The following CDC6 variants were observed in gnomAD, a reference collection of about 807,000 sequenced individuals.
CDC6 encodes the protein cell division cycle 6, also known as DNA replication factor CDC6.
A neutral mutation model predicts 60.2 loss-of-function variants in CDC6; 46 were observed. That is an observed-to-expected ratio of 0.76 (90% CI 0.60 to 0.98). CDC6 has a LOEUF of 0.98. Among genes scored for constraint, CDC6 ranks in the 50% least tolerant of loss-of-function variants. The pLI, the probability that CDC6 is intolerant of heterozygous loss-of-function variation, is 0.00. For synonymous variants in CDC6, 210 were observed against 233.2 expected (o/e 0.90, Z 0.90); for missense variants, 596 against 652.9 (o/e 0.91, Z 0.95).
intron 8 of CDC6, among the ~76,000 whole-genome samples, 177 bp from the exon 9 acceptor site, chr17:40,296,523 ACAT>A (rs1484218157): frequency 6.6e-6 from 1 of 152,122 alleles, no homozygotes; most frequent in African/African-American, 2.4e-5. Context: ...AAATTATAAA[ACAT>A]CATAATTTTA....
intron 6 of CDC6, 31 bp downstream of exon 6, chr17:40,294,087 G>T: frequency 3.5e-6 from 5 of 1,448,996 alleles, no homozygotes; most frequent in South Asian, 1.1e-5. Flanking sequence ...GTTACATGGT[G>T]GTTCTAAAGT....
In CDC6 at chr17:40,293,820, A is replaced by G. The variant is rs2032812061; in HGVS notation, c.837-130A>G. On this transcript the variant is annotated intron_variant, in intron 5 of 11. Coordinates refer to ENST00000209728, the MANE Select transcript of CDC6 (RefSeq NM_001254.4). ...GATGTGGGGTATCCTTGTAGCAGTA[A>G]CTAGAGATAGGTTAGATTATGATCT... The G allele has an allele frequency of 4.3e-6, 4 of 924,632 alleles. No homozygotes were observed. In the Admixed American group the frequency reaches 7.0e-5, roughly 16 times the overall value. 57.3% of individuals were successfully genotyped at this position (924,632 alleles called of 1,614,324 possible). A position where few individuals can be genotyped will look rare whatever the true frequency, so the allele number is the denominator to read the frequency against.
In CDC6 at chr17:40,289,389, C is replaced by CT; in HGVS notation, c.-13-17dup. 6.2e-7 allele frequency: 1 copy of CT among 1,600,694 alleles called. No individual in the cohort carries two copies. The highest frequency in any genetic ancestry group is 8.6e-7 in the Non-Finnish European group (1 of 1,168,114). The stretch of plus-strand genomic sequence containing the variant: ...CTTTCACATATTGACTAGTTGTCCT[C>CT]TTATTTTTTTTAATCTAGCTGTGCT... On this transcript the variant is annotated intron_variant, in intron 1 of 11. Transcript: ENST00000209728.
chr17:40,295,935 C>T (rs1486595987), intron 8 of CDC6, among the ~76,000 whole-genome samples: 1 of 151,972 alleles, frequency 6.6e-6, no homozygotes, highest in Non-Finnish European at 1.5e-5. Flanking sequence ...TGGGGAAAGC[C>T]TCTGTGCCGA....
Position 40,300,910 on chromosome 17 carries a change from C to T in CDC6, c.1332C>T (p.Asn444=), listed in dbSNP as rs1276864199. 3.7e-6 allele frequency: 6 copies of T among 1,613,934 alleles called. No homozygotes were observed. In the Admixed American group the frequency reaches 6.7e-5, roughly 18 times the overall value. The change falls in exon 10 of 12, where the codon AAC becomes AAT. Residue 444 remains asparagine, a synonymous_variant. Transcript: ENST00000209728. ...AAGTCATCTCAGAAGTTGATGGTAACAGGATGACCTTGAGCCAAGAAGGAG... is the reference window on the plus strand; with the variant it reads ...AAGTCATCTCAGAAGTTGATGGTAATAGGATGACCTTGAGCCAAGAAGGAG... ...ISQVISEVDG[N]RMTLSQEGAQ...
In CDC6 at chr17:40,301,658, G is replaced by T. The variant is rs761121372; in HGVS notation, c.1593+50G>T. ...GTTTTTAATTGTCCTATTTTGTAGAGTGATGCTAAAGTAAAGGTTTATTGT... is the reference window on the plus strand; with the variant it reads ...GTTTTTAATTGTCCTATTTTGTAGATTGATGCTAAAGTAAAGGTTTATTGT... On this transcript the variant is annotated intron_variant, in intron 11 of 11. Coordinates refer to ENST00000209728, the MANE Select transcript of CDC6 (RefSeq NM_001254.4). The T allele has an allele frequency of 2.5e-6, 4 of 1,582,982 alleles. No homozygotes were observed. The South Asian group carries it at 4.4e-5, about 18-fold the overall frequency.
At position 40,293,544 on chromosome 17, in the gene CDC6, T is replaced by G. The variant is rs144477511; in HGVS notation, c.749T>G (p.Ile250Ser). Residue 250 changes from isoleucine (I) to serine (S), a missense_variant, in exon 5 of 12, where the codon ATT becomes AGT. Transcript: ENST00000209728. ...QAVFPAIAQE[I>S]CQEEVSRPAG... is the part of the protein sequence containing the mutation. The stretch of plus-strand genomic sequence containing the variant: ...GTATTCCCAGCTATTGCTCAGGAGA[T>G]TTGTCAGGAAGAGGTATCCAGGCCA... 11 of 1,613,972 alleles carry G rather than the reference T, an allele frequency of 6.8e-6. No homozygotes were observed. The highest frequency in any genetic ancestry group is 9.3e-6 in the Non-Finnish European group (11 of 1,179,844).
At position 40,291,451 on chromosome 17, in the gene CDC6, C is replaced by A; in HGVS notation, c.461-18C>A. ...TCACCTTCTGTTGTGTCTAATTGAC[C>A]TTTTATGTCTGGCACAGGCACTTGC... On this transcript the variant is annotated intron_variant, in intron 3 of 11. Coordinates refer to ENST00000209728, the MANE Select transcript of CDC6 (RefSeq NM_001254.4). The A allele has an allele frequency of 6.2e-7, 1 of 1,613,946 alleles. No individual in the cohort carries two copies.
Position 40,289,408 on chromosome 17 carries a change from C to G in CDC6, c.-13C>G, listed in dbSNP as rs984598299. 6.2e-7 allele frequency: 1 copy of G among 1,612,438 alleles called. No individual in the cohort carries two copies. Among genetic ancestry groups the G allele is most frequent in the Non-Finnish European group, 8.5e-7 (1 of 1,178,766 alleles). On this transcript the variant is annotated splice_region_variant and 5_prime_UTR_variant, in exon 2 of 12. Coordinates refer to ENST00000209728, the MANE Select transcript of CDC6 (RefSeq NM_001254.4). ...TGTCCTCTTATTTTTTTTAATCTAG[C>G]TGTGCTGTCGTCATGCCTCAAACCC...
chr17:40,293,630 A>T lies in CDC6; in HGVS notation c.835A>T (p.Ile279Phe), dbSNP rs780653304. The T allele has an allele frequency of 6.2e-7, 1 of 1,609,576 alleles. No individual in the cohort carries two copies. The highest frequency in any genetic ancestry group is 2.2e-5 in the East Asian group (1 of 44,856). ...TATGACTGCAGAGAAGGGCCCCATGATGTAAGTATTGTTCTGCTTCATGTT... is the reference window on the plus strand; with the variant it reads ...TATGACTGCAGAGAAGGGCCCCATGTTGTAAGTATTGTTCTGCTTCATGTT... Reference protein sequence around the residue: ...KHMTAEKGPMIVLVLDEMDQL... With the variant: ...KHMTAEKGPMFVLVLDEMDQL... The change falls in exon 5 of 12, where the codon ATT becomes TTT. Residue 279 changes from isoleucine to phenylalanine, a missense_variant and splice_region_variant. By Grantham distance (21) the Ile-to-Phe change is conservative (BLOSUM62 0). Transcript: ENST00000209728.
At chr17:40,294,649 T>C in intron 7 of CDC6, 146 bp downstream of exon 7, 1 of 734,130 alleles carries the variant, frequency 1.4e-6, no homozygotes, top group Non-Finnish European at 2.4e-6. Context: ...AACATTTTTA[T>C]GTGAATTTCA....
chr17:40,296,623 A>T, intron 8 of CDC6, 80 bp from the exon 9 acceptor site: 1 of 804,010 alleles, frequency 1.2e-6, no homozygotes, highest in Non-Finnish European at 2.2e-6. Flanking sequence ...AATGGTCATT[A>T]ATGTGCCGCT....
Position 40,303,985 on chromosome 17 carries a change from G to A in CDC6, c.*1984G>A, listed in dbSNP as rs1471733788. 1 of 152,262 alleles carries A rather than the reference G, an allele frequency of 6.6e-6. No individual in the cohort carries two copies. The highest frequency in any genetic ancestry group is 2.4e-5 in the African/African-American group (1 of 41,464). The allele number at this position is 152,262 out of a possible 1,614,324, so 9.4% of individuals were successfully genotyped here. On this transcript the variant is annotated 3_prime_UTR_variant, in exon 12 of 12. Transcript: ENST00000209728. ...TTGGCGCCTTCCTCTTAACTGTAGGGCTTGAGTCAGGAACATGGCTTGACT... is the reference window on the plus strand; with the variant it reads ...TTGGCGCCTTCCTCTTAACTGTAGGACTTGAGTCAGGAACATGGCTTGACT...
chr17:40,304,481 T>C lies in CDC6; in HGVS notation c.*2480T>C, dbSNP rs552619670. 1 of 152,342 alleles carries C rather than the reference T, an allele frequency of 6.6e-6. No homozygotes were observed. The highest frequency in any genetic ancestry group is 1.9e-4 in the East Asian group (1 of 5,180). 9.4% of individuals were successfully genotyped at this position (152,342 alleles called of 1,614,324 possible). On this transcript the variant is annotated 3_prime_UTR_variant, in exon 12 of 12. Transcript: ENST00000209728. The stretch of plus-strand genomic sequence containing the variant: ...TTGCCAGGATCATAGGCTGCTTCAC[T>C]TAGAGTAGTGGCAAAGATGCTGACC...
At chr17:40,294,224 G>A in intron 6 of CDC6, 140 bp from the exon 7 acceptor site, 1 of 869,154 alleles carries the variant, frequency 1.2e-6, no homozygotes, top group Non-Finnish European at 1.9e-6. Flanking sequence ...CTTATCTATT[G>A]GGATGGGGTA....
At chr17:40,290,480 C>T (rs2032738017) in intron 2 of CDC6, among the ~76,000 whole-genome samples, 1 of 152,100 alleles carries the variant, frequency 6.6e-6, no homozygotes, top group Non-Finnish European at 1.5e-5. Flanking sequence ...GTCAGTGGTG[C>T]CAAGGTTGAG....
chr17:40,293,871 G>A, intron 5 of CDC6, 79 bp from the exon 6 acceptor site: 2 of 1,247,874 alleles, frequency 1.6e-6, no homozygotes, highest in Non-Finnish European at 1.2e-6. Flanking sequence ...CTTTAGGAAA[G>A]TGACCTGAAG....
rs1383170178 is a variant in CDC6 at position 40,303,852 on chromosome 17, C to T, written c.*1851C>T. 6.6e-6 allele frequency: 1 copy of T among 152,258 alleles called. No homozygotes were observed. The highest frequency in any genetic ancestry group is 1.5e-5 in the Non-Finnish European group (1 of 68,054). The allele number at this position is 152,258 out of a possible 1,614,324, so 9.4% of individuals were successfully genotyped here. A position where few individuals can be genotyped will look rare whatever the true frequency, so the allele number is the denominator to read the frequency against. On this transcript the variant is annotated 3_prime_UTR_variant, in exon 12 of 12. Transcript: ENST00000209728. ...GATGCTGCAGCCTTAAGAGACGTGA[C>T]TGCTTTACAGTTTGTTTCCACACTG...
intron 9 of CDC6, among the ~76,000 whole-genome samples, chr17:40,300,579 C>T (rs769990189): frequency 2.4e-4 from 36 of 152,300 alleles, no homozygotes; most frequent in Middle Eastern, 6.8e-3. Context: ...GACAAAACAG[C>T]TCACTATTTG....
Sources: allele counts gnomAD v4.1 joint callset (sites outside exome capture counted in the v4.1 genomes callset), GRCh38; gene constraint gnomAD v4.1.1; transcripts MANE v1.5; gene names NCBI Gene and HGNC (gene_info 2026-07-23, HGNC 2026-07-21).